Variants in CDH5 observed in about 807,000 individuals in gnomAD.
CDH5 encodes the protein cadherin-5.
CDH5 carries 28 observed loss-of-function variants against 62.0 expected under a neutral mutation model. That is an observed-to-expected ratio of 0.45 (90% CI 0.33 to 0.62). CDH5 has a LOEUF of 0.62. Among genes scored for constraint, CDH5 ranks in the 20% least tolerant of loss-of-function variants. The probability of loss-of-function intolerance (pLI) is 0.02; values close to 1 mark genes in which losing one functional copy is unlikely to be tolerated. For missense variants in CDH5, 940 were observed against 1,065.1 expected (o/e 0.88, Z 1.63); for synonymous variants, 464 against 445.8 (o/e 1.04, Z -0.52).
rs557953037 is a variant in CDH5 at position 66,367,287 on chromosome 16, A to G, written c.-20+529A>G. On this transcript the variant is annotated intron_variant, in intron 1 of 11. Coordinates refer to ENST00000341529, the MANE Select transcript of CDH5 (RefSeq NM_001795.5). The stretch of plus-strand genomic sequence containing the variant: ...GAGCCTTGGCCCCTCTCGGTCAGCC[A>G]GTGCCCCCATTTCAGGATAGGCAAG... Among the ~76,000 whole-genome samples the G allele has an allele frequency of 1.8e-3, 268 of 152,342 alleles. 2 individuals carry two copies. The highest frequency in any genetic ancestry group is 6.2e-3 in the African/African-American group (258 of 41,584).
chr16:66,369,963 A>G (rs1210484847), intron 1 of CDH5, among the ~76,000 whole-genome samples: 1 of 150,390 alleles, frequency 6.6e-6, no homozygotes, highest in Non-Finnish European at 1.5e-5. Flanking sequence ...GGGTGTTTGC[A>G]TATTCACTGG....
In CDH5 at chr16:66,368,707, G is replaced by A. The variant is rs889371765; in HGVS notation, c.-20+1949G>A. 7.2e-5 allele frequency among the ~76,000 whole-genome samples: 11 copies of A among 152,310 alleles called. 1 individual carries two copies. The South Asian group carries it at 1.7e-3, about 23-fold the overall frequency. On this transcript the variant is annotated intron_variant, in intron 1 of 11. Coordinates refer to ENST00000341529, the MANE Select transcript of CDH5 (RefSeq NM_001795.5). The stretch of plus-strand genomic sequence containing the variant: ...GGGACCATCGAGGCTGAGGGAAGCT[G>A]TGCAGCCAGTCCAAGGTCACACAAC...
At chr16:66,385,369 C>T (rs1457767435) in intron 2 of CDH5, among the ~76,000 whole-genome samples, 2 of 152,142 alleles carry the variant, frequency 1.3e-5, no homozygotes, top group East Asian at 3.8e-4. Flanking sequence ...ATGAACAGTA[C>T]ATGTTACACA....
Position 66,390,563 on chromosome 16 carries a change from C to A in CDH5, c.942C>A (p.His314Gln), listed in dbSNP as rs1371943475. ...TCACCATTGAGACAAACCCCGCCCA[C>A]AACGAGGGCATCATCAAGCCCATGA... The part of the protein sequence containing the change: ...DAFTIETNPA[H>Q]NEGIIKPMKP... The change falls in exon 6 of 12, where the codon CAC becomes CAA. Residue 314 changes from histidine (H) to glutamine (Q), a missense_variant. By Grantham distance (24) the His-to-Gln change is conservative. Transcript: ENST00000341529. 6.2e-7 allele frequency: 1 copy of A among 1,614,084 alleles called. No individual in the cohort carries two copies. The highest frequency in any genetic ancestry group is 2.2e-5 in the East Asian group (1 of 44,870).
At chr16:66,375,834 A>C in intron 1 of CDH5, among the ~76,000 whole-genome samples, 1 of 151,274 alleles carries the variant, frequency 6.6e-6, no homozygotes, top group African/African-American at 2.4e-5. Context: ...GCCACCGGCT[A>C]CGGTGGCTCA....
At chr16:66,375,373 T>G (rs1450678097) in intron 1 of CDH5, among the ~76,000 whole-genome samples, 3 of 151,678 alleles carry the variant, frequency 2.0e-5, no homozygotes, top group Non-Finnish European at 4.4e-5. Context: ...CCCAACTATC[T>G]CTTCAAAAAA....
At chr16:66,373,219 T>C (rs1960723839) in intron 1 of CDH5, among the ~76,000 whole-genome samples, 1 of 152,050 alleles carries the variant, frequency 6.6e-6, no homozygotes, top group South Asian at 2.1e-4. Flanking sequence ...GACTCTTACC[T>C]GCCGAAAGGA....
In CDH5 at chr16:66,390,445, C is replaced by G. The variant is rs1258336863; in HGVS notation, c.824C>G (p.Thr275Ser). 2 of 1,614,132 alleles carry G rather than the reference C, an allele frequency of 1.2e-6. No homozygotes were observed. The highest frequency in any genetic ancestry group is 1.3e-5 in the African/African-American group (1 of 75,022). ...GTGCCTGAAGACACCCGTGTGGGCA[C>G]CTCTGTGGGCTCTCTGTTTGTTGAG... Reference protein sequence around the residue: ...FVVPEDTRVGTSVGSLFVEDP... With the variant: ...FVVPEDTRVGSSVGSLFVEDP... Residue 275 changes from threonine to serine, a missense_variant, in exon 6 of 12, where the codon ACC becomes AGC. Thr to Ser is a moderately conservative substitution (Grantham distance 58, BLOSUM62 1). Coordinates refer to ENST00000341529, the MANE Select transcript of CDH5 (RefSeq NM_001795.5).
At chr16:66,402,523 G>T (rs1961303198) in intron 11 of CDH5, 129 bp from the exon 12 acceptor site, 2 of 742,756 alleles carry the variant, frequency 2.7e-6, no homozygotes, top group Non-Finnish European at 4.1e-6. Flanking sequence ...GGGGAAGGGG[G>T]GGCCAAAGGG....
chr16:66,371,374 C>T (rs1376575130), intron 1 of CDH5, among the ~76,000 whole-genome samples: 1 of 152,160 alleles, frequency 6.6e-6, no homozygotes, highest in East Asian at 1.9e-4. Flanking sequence ...AGGCCGGCTC[C>T]TCCCAGCGCC....
intron 11 of CDH5, among the ~76,000 whole-genome samples, chr16:66,401,841 C>T (rs1440118592): frequency 6.6e-6 from 1 of 152,194 alleles, no homozygotes; most frequent in Non-Finnish European, 1.5e-5. Context: ...GGCTGATCCT[C>T]CAGAGGAAGC....
At chr16:66,380,783 G>T (rs1567462287) in intron 2 of CDH5, among the ~76,000 whole-genome samples, 1 of 151,738 alleles carries the variant, frequency 6.6e-6, no homozygotes, top group African/African-American at 2.4e-5. Flanking sequence ...TGTGATGGTG[G>T]TGATGATGGT....
intron 8 of CDH5, 24 bp downstream of exon 8, chr16:66,396,225 C>A (rs199862049): frequency 1.9e-6 from 3 of 1,612,942 alleles, no homozygotes; most frequent in Admixed American, 1.7e-5. Context: ...TCTGCCAGGG[C>A]ACCTGGATTC....
intron 10 of CDH5, among the ~76,000 whole-genome samples, chr16:66,398,879 T>G (rs1425922397): frequency 1.3e-5 from 2 of 152,204 alleles, no homozygotes; most frequent in African/African-American, 4.8e-5. Flanking sequence ...TTTGTACAAT[T>G]TCTGCCACAT....
At chr16:66,388,614 G>A (rs1259996031) in intron 4 of CDH5, among the ~76,000 whole-genome samples, 174 bp downstream of exon 4, 1 of 152,194 alleles carries the variant, frequency 6.6e-6, no homozygotes, top group Admixed American at 6.5e-5. Context: ...GGCTGGTCAA[G>A]GGAGAAGGAA....
chr16:66,374,178 C>T (rs917820842), intron 1 of CDH5, among the ~76,000 whole-genome samples: 1 of 152,224 alleles, frequency 6.6e-6, no homozygotes, highest in Non-Finnish European at 1.5e-5. Context: ...AATAAAATAA[C>T]GTGTGCCTCG....
chr16:66,385,467 T>A (rs570847166), intron 2 of CDH5, among the ~76,000 whole-genome samples: 37 of 152,358 alleles, frequency 2.4e-4, no homozygotes, highest in African/African-American at 7.9e-4. Flanking sequence ...CTGTACATTG[T>A]AAATCTCCAA....
At chr16:66,393,452 C>T (rs1417019141) in intron 7 of CDH5, among the ~76,000 whole-genome samples, 2 of 152,190 alleles carry the variant, frequency 1.3e-5, no homozygotes, top group Middle Eastern at 3.2e-3. Context: ...GCACGTCTTA[C>T]ACGGCCAGAA....
At chr16:66,376,614 A>G (rs1233328996) in intron 1 of CDH5, 1 of 152,192 alleles carries the variant, frequency 6.6e-6, no homozygotes, top group African/African-American at 2.4e-5. Context: ...CCCAGAGACC[A>G]GCAACAGCAC....
Sources: allele counts gnomAD v4.1 joint callset (sites outside exome capture counted in the v4.1 genomes callset), GRCh38; gene constraint gnomAD v4.1.1; transcripts MANE v1.5; gene names NCBI Gene and HGNC (gene_info 2026-07-23, HGNC 2026-07-21).